Variants in ARL9 observed in about 807,000 individuals in gnomAD.
ARL9 encodes ARF like GTPase 9.
In ARL9, 14 loss-of-function variants were observed where a neutral mutation model predicts 27.0. The ratio of observed to expected loss-of-function variants is 0.52; its 90% CI spans 0.34 to 0.81. The LOEUF is 0.81. Ranked by LOEUF, ARL9 falls within the 30% of genes least tolerant of loss-of-function variation. The pLI is 0.01. For synonymous variants in ARL9, 106 were observed against 108.7 expected (o/e 0.98, Z 0.15); for missense variants, 294 against 290.0 (o/e 1.01, Z -0.10).
chr4:56,522,474 T>C (rs1331744140), intron 3 of ARL9, among the ~76,000 whole-genome samples: 2 of 151,896 alleles, frequency 1.3e-5, no homozygotes, highest in Non-Finnish European at 2.9e-5. Context: ...AATATTAGGT[T>C]ATTTCCAGAG....
chr4:56,513,807 T>G (rs1721702729), intron 2 of ARL9, among the ~76,000 whole-genome samples: 1 of 152,104 alleles, frequency 6.6e-6, no homozygotes, highest in Non-Finnish European at 1.5e-5. Context: ...ATGCTCCCAG[T>G]CAGTAGCTCC....
chr4:56,508,339 G>C (rs1233686392), intron 1 of ARL9, among the ~76,000 whole-genome samples: 1 of 152,134 alleles, frequency 6.6e-6, no homozygotes, highest in African/African-American at 2.4e-5. Context: ...TTTAGTTTAA[G>C]AGCCATCAAA....
At chr4:56,517,141 T>C (rs1201005976) in intron 2 of ARL9, among the ~76,000 whole-genome samples, 1 of 152,186 alleles carries the variant, frequency 6.6e-6, no homozygotes, top group Non-Finnish European at 1.5e-5. Flanking sequence ...GCATTGTTTA[T>C]TGTAGCAAGA....
rs1169121746 is a variant in ARL9 at position 56,524,395 on chromosome 4, AAC to A, written c.*521_*522del. Reference sequence around the variant, plus strand: ...TTTTGAATGTTAAAAATATTTGTAAAACAGTGTATTGGGGGTATTGGGATTTT... The same window carrying A: ...TTTTGAATGTTAAAAATATTTGTAAAAGTGTATTGGGGGTATTGGGATTTT... On this transcript the variant is annotated 3_prime_UTR_variant, in exon 4 of 4. Transcript: ENST00000640821. 1 of 152,580 alleles carries A rather than the reference AAC, an allele frequency of 6.6e-6. No homozygotes were observed. Among genetic ancestry groups the A allele is most frequent in the African/African-American group, 2.4e-5 (1 of 41,474 alleles). 9.5% of individuals were successfully genotyped at this position (152,580 alleles called of 1,614,324 possible). A position where few individuals can be genotyped will look rare whatever the true frequency, so the allele number is the denominator to read the frequency against.
Position 56,505,817 on chromosome 4 carries a change from A to G in ARL9, c.-46A>G. The G allele has an allele frequency of 2.3e-6, 3 of 1,292,956 alleles. No homozygotes were observed. The highest frequency in any genetic ancestry group is 5.3e-5 in the South Asian group (2 of 37,882). The allele number at this position is 1,292,956 out of a possible 1,614,324, so 80.1% of individuals were successfully genotyped here. On this transcript the variant is annotated 5_prime_UTR_variant, in exon 1 of 4. Coordinates refer to ENST00000640821, the MANE Select transcript of ARL9 (RefSeq NM_001363794.2). Reference sequence around the variant, plus strand: ...CACCTGGGGCCCAGAGCCACCGCTCAGCACGCGGGCACGCGGCGGGAGGGA... The same window carrying G: ...CACCTGGGGCCCAGAGCCACCGCTCGGCACGCGGGCACGCGGCGGGAGGGA...
At position 56,511,355 on chromosome 4, in the gene ARL9, C is replaced by T; in HGVS notation, c.442+8C>T. 6.2e-7 allele frequency: 1 copy of T among 1,609,482 alleles called. No homozygotes were observed. Among genetic ancestry groups the T allele is most frequent in the East Asian group, 2.2e-5 (1 of 44,836 alleles). The stretch of plus-strand genomic sequence containing the variant: ...AGATGGAGTTCCTGGAGAGTAAGCT[C>T]TCTGTTCCTTAGTTATAAGATAGCC... On this transcript the variant is annotated splice_region_variant and intron_variant, in intron 2 of 3. Transcript: ENST00000640821.
At chr4:56,508,301 G>A (rs916011366) in intron 1 of ARL9, among the ~76,000 whole-genome samples, 1 of 152,204 alleles carries the variant, frequency 6.6e-6, no homozygotes, top group Non-Finnish European at 1.5e-5. Flanking sequence ...AGAAGAGGCA[G>A]GGATGGAAGA....
intron 1 of ARL9, among the ~76,000 whole-genome samples, chr4:56,508,398 T>C (rs1425026965): frequency 2.0e-5 from 3 of 152,170 alleles, no homozygotes; most frequent in African/African-American, 4.8e-5. Context: ...TCTTTTTTTT[T>C]TGAGACAGAG....
intron 2 of ARL9, 41 bp from the exon 3 acceptor site, chr4:56,518,637 T>G: frequency 6.4e-7 from 1 of 1,564,436 alleles, no homozygotes; most frequent in Non-Finnish European, 8.7e-7. Context: ...GCTTCTGTGA[T>G]TTTGTGTGTG....
Position 56,518,184 on chromosome 4 carries a change from C to T in ARL9, c.443-494C>T, listed in dbSNP as rs536103665. On this transcript the variant is annotated intron_variant, in intron 2 of 3. Transcript: ENST00000640821. ...ATAGGCATGCACCATAGGCATGCAC[C>T]ACCACACCGGCTCATTTTTTAGTTT... Among the ~76,000 whole-genome samples the T allele has an allele frequency of 3.6e-3, 550 of 152,132 alleles. 7 individuals carry two copies. Among genetic ancestry groups the T allele is most frequent in the African/African-American group, 0.013 (521 of 41,502 alleles).
Position 56,518,722 on chromosome 4 carries a change from T to C in ARL9, c.487T>C (p.Ser163Pro). Reference sequence around the variant, plus strand: ...TCGGTCCTACTGGGAAATGTACCTATCCAAGGGATTGCTGCTGATCTTTGT... The same window carrying C: ...TCGGTCCTACTGGGAAATGTACCTACCCAAGGGATTGCTGCTGATCTTTGT... ...PFRSYWEMYLSKGLLLIFVVD... is the reference protein window; with the variant it reads ...PFRSYWEMYLPKGLLLIFVVD... Residue 163 changes from serine (S) to proline (P), a missense_variant, in exon 3 of 4, where the codon TCC (serine) becomes CCC (proline). Ser to Pro is a moderately conservative substitution (Grantham distance 74, BLOSUM62 -1). Transcript: ENST00000640821. The C allele has an allele frequency of 6.2e-7, 1 of 1,613,978 alleles. No individual in the cohort carries two copies. The highest frequency in any genetic ancestry group is 8.5e-7 in the Non-Finnish European group (1 of 1,179,868).
chr4:56,521,599 T>C (rs1480741481), intron 3 of ARL9, among the ~76,000 whole-genome samples: 2 of 152,220 alleles, frequency 1.3e-5, no homozygotes, highest in African/African-American at 4.8e-5. Context: ...CAGCAGAATA[T>C]GACAGTTTTT....
chr4:56,509,433 C>G (rs997342562), intron 1 of ARL9, among the ~76,000 whole-genome samples: 1 of 152,006 alleles, frequency 6.6e-6, no homozygotes, highest in Non-Finnish European at 1.5e-5. Flanking sequence ...CTCTTGGCCT[C>G]AAGCGATCCA....
At chr4:56,522,754 C>G (rs1311696302) in intron 3 of ARL9, among the ~76,000 whole-genome samples, 1 of 152,156 alleles carries the variant, frequency 6.6e-6, no homozygotes, top group Non-Finnish European at 1.5e-5. Context: ...GGCTTCCTGT[C>G]TTCCCCCTCT....
At position 56,524,378 on chromosome 4, in the gene ARL9, G is replaced by T. The variant is rs1722019580; in HGVS notation, c.*502G>T. 1 of 152,492 alleles carries T rather than the reference G, an allele frequency of 6.6e-6. No individual in the cohort carries two copies. Among genetic ancestry groups the T allele is most frequent in the Non-Finnish European group, 1.5e-5 (1 of 68,298 alleles). 9.4% of individuals were successfully genotyped at this position (152,492 alleles called of 1,614,324 possible). A position where few individuals can be genotyped will look rare whatever the true frequency, so the allele number is the denominator to read the frequency against. On this transcript the variant is annotated 3_prime_UTR_variant, in exon 4 of 4. Coordinates refer to ENST00000640821, the MANE Select transcript of ARL9 (RefSeq NM_001363794.2). The stretch of plus-strand genomic sequence containing the variant: ...CAGCATCTCTATTTGGATTTTGAAT[G>T]TTAAAAATATTTGTAAAACAGTGTA...
At chr4:56,508,317 A>C (rs1037632525) in intron 1 of ARL9, among the ~76,000 whole-genome samples, 2 of 152,236 alleles carry the variant, frequency 1.3e-5, no homozygotes, top group African/African-American at 4.8e-5. Context: ...GAAGACATCT[A>C]TGAAAATACA....
At chr4:56,506,749 C>T (rs1217208193) in intron 1 of ARL9, 1 of 846,926 alleles carries the variant, frequency 1.2e-6, no homozygotes, top group Admixed American at 6.2e-5. Context: ...CTTAGAGCTG[C>T]GCTCTGGTTC....
Position 56,523,773 on chromosome 4 carries a change from T to C in ARL9, c.695T>C (p.Met232Thr). 1 of 1,613,950 alleles carries C rather than the reference T, an allele frequency of 6.2e-7. No individual in the cohort carries two copies. The highest frequency in any genetic ancestry group is 8.5e-7 in the Non-Finnish European group (1 of 1,179,818). The change falls in exon 4 of 4, where the codon ATG becomes ACG. Residue 232 changes from methionine (M) to threonine (T), a missense_variant. Coordinates refer to ENST00000640821, the MANE Select transcript of ARL9 (RefSeq NM_001363794.2). The stretch of plus-strand genomic sequence containing the variant: ...TCTGAAGTGGGAAATGACAGGAAGA[T>C]GTTCTTGTTTGGAACCTACCTGACT... ...ALSEVGNDRK[M>T]FLFGTYLTKN... is the part of the protein sequence containing the mutation.
Position 56,513,748 on chromosome 4 carries a change from A to G in ARL9, c.442+2401A>G, listed in dbSNP as rs1326158825. 3.3e-5 allele frequency among the ~76,000 whole-genome samples: 5 copies of G among 152,336 alleles called. No individual in the cohort carries two copies. In the East Asian group the frequency reaches 9.6e-4, roughly 29 times the overall value. On this transcript the variant is annotated intron_variant, in intron 2 of 3. Transcript: ENST00000640821. Reference sequence around the variant, plus strand: ...TGGGCCTGAGACAAAATAGGAAAGAACTAACTAAGATGCCTGCATGACACG... The same window carrying G: ...TGGGCCTGAGACAAAATAGGAAAGAGCTAACTAAGATGCCTGCATGACACG...
Sources: gnomAD v4.1 joint callset for allele counts (sites outside exome capture counted in the v4.1 genomes callset) on GRCh38, gnomAD v4.1.1 for gene constraint, MANE v1.5 for transcripts, NCBI Gene and HGNC (gene_info 2026-07-23, HGNC 2026-07-21) for gene names.